Variants in MCTP1 observed in about 807,000 individuals in gnomAD.
The protein encoded by MCTP1 is multiple C2 and transmembrane domain containing 1.
In MCTP1, 69 loss-of-function variants were observed where a neutral mutation model predicts 120.6. The ratio of observed to expected loss-of-function variants is 0.57; its 90% CI spans 0.47 to 0.70. The LOEUF is 0.70. MCTP1 is among the 30% of genes least tolerant of loss of function. The probability of loss-of-function intolerance (pLI) is 0.00; values close to 1 mark genes in which losing one functional copy is unlikely to be tolerated. For missense variants in MCTP1, 1,203 were observed against 1,248.8 expected, an observed-to-expected ratio of 0.96 and a Z score of 0.55; for synonymous variants, 529 against 493.1, an observed-to-expected ratio of 1.07 and a Z score of -0.96.
intron 1 of MCTP1, among the ~76,000 whole-genome samples, chr5:95,051,296 C>A (rs747726973): frequency 3.3e-5 from 5 of 152,276 alleles, no homozygotes; most frequent in African/African-American, 4.8e-5. Context: ...CCATCCCAGG[C>A]CCGAAGCTCT....
chr5:95,099,207 C>A (rs1273627026), intron 1 of MCTP1, among the ~76,000 whole-genome samples: 2 of 152,176 alleles, frequency 1.3e-5, no homozygotes, highest in Non-Finnish European at 2.9e-5. Flanking sequence ...AGGACATAGG[C>A]ACGGGCAAGG....
intron 5 of MCTP1, among the ~76,000 whole-genome samples, chr5:94,937,342 G>A (rs1816438904): frequency 6.6e-6 from 1 of 152,054 alleles, no homozygotes; most frequent in Non-Finnish European, 1.5e-5. Context: ...GGTAGTCAAA[G>A]GGATTTGAGC....
At chr5:94,941,886 G>A (rs926175397) in intron 4 of MCTP1, among the ~76,000 whole-genome samples, 4 of 151,914 alleles carry the variant, frequency 2.6e-5, no homozygotes, top group Non-Finnish European at 4.4e-5. Context: ...TTGGTAATCC[G>A]GCAATGGCAA....
At chr5:95,155,921 G>A (rs1745071025) in intron 1 of MCTP1, among the ~76,000 whole-genome samples, 1 of 152,182 alleles carries the variant, frequency 6.6e-6, no homozygotes, top group African/African-American at 2.4e-5. Flanking sequence ...GCACCCTGGA[G>A]AGAGTTTTCT....
At chr5:94,707,973 T>TAA (rs34524369) in intron 22 of MCTP1, among the ~76,000 whole-genome samples, 6,847 of 142,180 alleles carry the variant, frequency 0.048, 347 homozygotes, top group East Asian at 0.29. Context: ...CTTCAGGATT[T>TAA]AAAAAAAAAA....
chr5:94,754,362 T>C (rs1028438224), intron 19 of MCTP1, among the ~76,000 whole-genome samples: 1 of 152,214 alleles, frequency 6.6e-6, no homozygotes, highest in African/African-American at 2.4e-5. Context: ...TGGACTATAA[T>C]TGGCTATGCA....
intron 2 of MCTP1, among the ~76,000 whole-genome samples, chr5:94,965,787 G>A (rs1043699656): frequency 2.0e-4 from 31 of 152,218 alleles, no homozygotes; most frequent in African/African-American, 6.0e-4. Context: ...TAGGCCATGA[G>A]GACTCTATCA....
chr5:94,755,354 C>A (rs943784420), intron 19 of MCTP1, among the ~76,000 whole-genome samples: 1 of 152,162 alleles, frequency 6.6e-6, no homozygotes, highest in African/African-American at 2.4e-5. Context: ...AGTGACCTCT[C>A]TAGTATTAAT....
chr5:95,180,710 T>C (rs1748509593), intron 1 of MCTP1, among the ~76,000 whole-genome samples: 1 of 152,130 alleles, frequency 6.6e-6, no homozygotes. Context: ...GACTCCCAAA[T>C]TTGTATCTCT....
At chr5:95,241,419 A>T (rs932341241) in intron 1 of MCTP1, among the ~76,000 whole-genome samples, 12 of 152,178 alleles carry the variant, frequency 7.9e-5, no homozygotes, top group African/African-American at 2.9e-4. Context: ...ATAACTGTAC[A>T]ACTCATTTCC....
intron 18 of MCTP1, among the ~76,000 whole-genome samples, chr5:94,790,278 G>T (rs1331177110): frequency 6.6e-6 from 1 of 152,228 alleles, no homozygotes; most frequent in Admixed American, 6.5e-5. Context: ...GTCCCAGAGA[G>T]GTTAGGGATG....
At chr5:94,728,868 C>A (rs1762605832) in intron 19 of MCTP1, among the ~76,000 whole-genome samples, 1 of 152,130 alleles carries the variant, frequency 6.6e-6, no homozygotes, top group Non-Finnish European at 1.5e-5. Context: ...TTAGCCAAAT[C>A]TCAATTCATT....
Position 95,199,407 on chromosome 5 carries a change from A to G in MCTP1, c.720+84449T>C, listed in dbSNP as rs1354367729. ...AGCAAGAAAACAAACCAATTAAAAA[A>G]TAGGCAGAGGATCTGAACAGACATT... On this transcript the variant is annotated intron_variant, in intron 1 of 22. Transcript: ENST00000515393. Among the ~76,000 whole-genome samples the G allele has an allele frequency of 1.3e-5, 2 of 152,240 alleles. 1 individual carries two copies. The highest frequency in any genetic ancestry group is 4.8e-5 in the African/African-American group (2 of 41,460).
At chr5:94,949,718 A>T (rs763128055) in intron 3 of MCTP1, among the ~76,000 whole-genome samples, 16 of 152,240 alleles carry the variant, frequency 1.1e-4, no homozygotes, top group Middle Eastern at 3.4e-3. Context: ...CTGTAATTAT[A>T]GATAGGAGGG....
At chr5:95,281,600 C>T (rs1372782249) in intron 1 of MCTP1, among the ~76,000 whole-genome samples, 1 of 152,222 alleles carries the variant, frequency 6.6e-6, no homozygotes, top group African/African-American at 2.4e-5. Context: ...GTTTACCATT[C>T]TGTCTGCCTA....
intron 2 of MCTP1, among the ~76,000 whole-genome samples, chr5:94,959,996 A>T (rs2153554815): frequency 6.6e-6 from 1 of 152,322 alleles, no homozygotes; most frequent in Middle Eastern, 3.4e-3. Context: ...AGCTGGATGC[A>T]TCATGCTACC....
chr5:94,838,989 A>G (rs1790417630), intron 17 of MCTP1, among the ~76,000 whole-genome samples: 1 of 152,192 alleles, frequency 6.6e-6, no homozygotes, highest in Non-Finnish European at 1.5e-5. Context: ...TCTTCCCACT[A>G]TTAGTCCCAG....
intron 1 of MCTP1, among the ~76,000 whole-genome samples, chr5:95,275,927 A>G (rs547736504): frequency 2.6e-4 from 40 of 152,292 alleles, no homozygotes; most frequent in Non-Finnish European, 4.3e-4. Context: ...GTGGATGTTA[A>G]AGAATAGGCA....
At chr5:94,963,274 A>C (rs749267054) in intron 2 of MCTP1, among the ~76,000 whole-genome samples, 2 of 151,996 alleles carry the variant, frequency 1.3e-5, no homozygotes, top group Non-Finnish European at 2.9e-5. Context: ...ATGGGAGTGC[A>C]GATATCGCTA....
Sources: gnomAD v4.1 joint callset for allele counts (sites outside exome capture counted in the v4.1 genomes callset) on GRCh38, gnomAD v4.1.1 for gene constraint, MANE v1.5 for transcripts, NCBI Gene and HGNC (gene_info 2026-07-23, HGNC 2026-07-21) for gene names.